Variants in FYB2 observed in about 807,000 individuals in gnomAD.
FYB2 encodes FYN-binding protein 2.
Under a neutral mutation model 94.1 loss-of-function variants are expected in FYB2, and 103 were observed. That is an observed-to-expected ratio of 1.09 (90% CI 0.93 to 1.29). The LOEUF (loss-of-function observed/expected upper bound fraction) is 1.29. Ranked by LOEUF, FYB2 falls within the 50% of genes most tolerant of loss-of-function variation. FYB2 has a pLI of 0.00. For missense variants in FYB2, 896 were observed against 841.5 expected (o/e 1.06, Z -0.80); for synonymous variants, 293 against 287.9 (o/e 1.02, Z -0.18).
chr1:56,797,543 A>G (rs1194894841), intron 1 of FYB2, among the ~76,000 whole-genome samples: 1 of 152,106 alleles, frequency 6.6e-6, no homozygotes, highest in Non-Finnish European at 1.5e-5. Flanking sequence ...AATTTTGCCC[A>G]ACAGAGGTGT....
At chr1:56,805,717 C>G (rs1311329460) in intron 1 of FYB2, among the ~76,000 whole-genome samples, 1 of 152,132 alleles carries the variant, frequency 6.6e-6, no homozygotes. Flanking sequence ...CAAATCTTTC[C>G]TGTGCTGCTC....
At chr1:56,802,217 C>A in intron 1 of FYB2, among the ~76,000 whole-genome samples, 1 of 152,180 alleles carries the variant, frequency 6.6e-6, no homozygotes, top group East Asian at 1.9e-4. Flanking sequence ...CATATTCTAT[C>A]TTATCATAAC....
intron 1 of FYB2, among the ~76,000 whole-genome samples, chr1:56,797,517 G>A (rs532468280): frequency 1.3e-5 from 2 of 152,178 alleles, no homozygotes; most frequent in East Asian, 1.9e-4. Context: ...CCACGCCCAG[G>A]CACTCTTTTA....
Position 56,738,474 on chromosome 1 carries a change from A to C in FYB2, c.1732+151T>G. On this transcript the variant is annotated intron_variant, in intron 14 of 19. Transcript: ENST00000343433. The stretch of plus-strand genomic sequence containing the variant: ...CTACTCATCTTCTCCAAAGTAAAAA[A>C]ATACTTCCGTGTGAAACATCTTCTT... 3 of 788,274 alleles carry C rather than the reference A, an allele frequency of 3.8e-6. No homozygotes were observed. The South Asian group carries it at 6.8e-5, about 18-fold the overall frequency. The allele number at this position is 788,274 out of a possible 1,614,324, so 48.8% of individuals were successfully genotyped here.
chr1:56,814,404 G>A (rs1339222279), intron 1 of FYB2, among the ~76,000 whole-genome samples: 1 of 152,184 alleles, frequency 6.6e-6, no homozygotes, highest in Non-Finnish European at 1.5e-5. Context: ...GTTTGGAGAA[G>A]GGAAGATTTG....
the FYB2 span, among the ~76,000 whole-genome samples, chr1:56,825,358 A>G: frequency 6.6e-6 from 1 of 152,172 alleles, no homozygotes; most frequent in Non-Finnish European, 1.5e-5. Context: ...AACAAGCAAC[A>G]GAACCTGGAA....
In FYB2 at chr1:56,738,627, A is replaced by G; in HGVS notation, c.1730T>C (p.Leu577Ser). Residue 577 changes from leucine to serine, a missense_variant and splice_region_variant, in exon 14 of 20, where the codon TTA (leucine) becomes TCA (serine). Transcript: ENST00000343433. ...TGCAATAAGCAAATGGCACTTACCT[A>G]AATCAGGCAGCAAAATGGAAAATGC... ...LSAFSILLPDLELKSQEVIIY... is the reference protein window; with the variant it reads ...LSAFSILLPDSELKSQEVIIY... The G allele has an allele frequency of 1.2e-6, 2 of 1,610,802 alleles. No homozygotes were observed. Among genetic ancestry groups the G allele is most frequent in the South Asian group, 2.2e-5 (2 of 90,450 alleles).
At position 56,719,536 on chromosome 1, in the gene FYB2, A is replaced by T; in HGVS notation, c.*135T>A. 1.4e-6 allele frequency: 1 copy of T among 722,504 alleles called. No individual in the cohort carries two copies. The highest frequency in any genetic ancestry group is 2.2e-6 in the Non-Finnish European group (1 of 453,104). The allele number at this position is 722,504 out of a possible 1,614,324, so 44.8% of individuals were successfully genotyped here. A position where few individuals can be genotyped will look rare whatever the true frequency, so the allele number is the denominator to read the frequency against. On this transcript the variant is annotated 3_prime_UTR_variant, in exon 20 of 20. Transcript: ENST00000343433. Reference sequence around the variant, plus strand: ...GATTTGTTTTTATTTTTCTCTTTTAAGTTCAGAACGAAAGTTTCCACAGAT... The same window carrying T: ...GATTTGTTTTTATTTTTCTCTTTTATGTTCAGAACGAAAGTTTCCACAGAT...
intron 4 of FYB2, among the ~76,000 whole-genome samples, chr1:56,769,595 G>A (rs922389389): frequency 1.1e-4 from 16 of 152,082 alleles, no homozygotes; most frequent in African/African-American, 3.6e-4. Flanking sequence ...TTATTCTCAA[G>A]TCTTTGCATT....
intron 3 of FYB2, 109 bp from the exon 4 acceptor site, chr1:56,787,317 C>A: frequency 1.5e-6 from 2 of 1,371,664 alleles, no homozygotes; most frequent in Non-Finnish European, 2.1e-6. Context: ...AGAGTGGAAG[C>A]TTGCCTGTGC....
chr1:56,780,627 G>T (rs1298385931), intron 4 of FYB2, among the ~76,000 whole-genome samples: 2 of 152,172 alleles, frequency 1.3e-5, no homozygotes, highest in African/African-American at 2.4e-5. Context: ...TTCATGGGTG[G>T]TTGTAGCTGG....
chr1:56,744,048 A>G lies in FYB2; in HGVS notation c.1521T>C (p.Ser507=). ...SRKEVPKLNY[S]SSLASSSEEN... ...TACCACTACTTGAGGCAAGTGAGCTAGAGTAGTTCAGCTTCGGTCTATGGG... is the reference window on the plus strand; with the variant it reads ...TACCACTACTTGAGGCAAGTGAGCTGGAGTAGTTCAGCTTCGGTCTATGGG... The change falls in exon 11 of 20, where the codon TCT becomes TCC. Residue 507 remains serine, a synonymous_variant. Transcript: ENST00000343433. The G allele has an allele frequency of 3.1e-6, 5 of 1,612,620 alleles. No individual in the cohort carries two copies. Among genetic ancestry groups the G allele is most frequent in the Non-Finnish European group, 4.2e-6 (5 of 1,179,204 alleles).
intron 3 of FYB2, among the ~76,000 whole-genome samples, chr1:56,788,104 T>G (rs1266134225): frequency 1.1e-4 from 16 of 152,144 alleles, no homozygotes; most frequent in Admixed American, 3.3e-4. Flanking sequence ...AACCAGAAAC[T>G]GAGAATGGAG....
Position 56,719,599 on chromosome 1 carries a change from G to T in FYB2, c.*72C>A. 1 of 1,337,436 alleles carries T rather than the reference G, an allele frequency of 7.5e-7. No homozygotes were observed. Among genetic ancestry groups the T allele is most frequent in the Non-Finnish European group, 1.0e-6 (1 of 970,796 alleles). 82.8% of individuals were successfully genotyped at this position (1,337,436 alleles called of 1,614,324 possible). On this transcript the variant is annotated 3_prime_UTR_variant, in exon 20 of 20. Transcript: ENST00000343433. ...AAATTTTGACATGTAAACTGAAACT[G>T]ATGTAACGCAGGACTAGGATCTTAG...
At chr1:56,748,446 G>A (rs568073710) in intron 9 of FYB2, among the ~76,000 whole-genome samples, 15 of 152,018 alleles carry the variant, frequency 9.9e-5, no homozygotes, top group Non-Finnish European at 5.9e-5. Context: ...AAGGGGTCCA[G>A]TTTCTGTTTT....
At chr1:56,823,833 A>C (rs182504110), upstream of FYB2, 4 of 152,304 alleles carry the variant, frequency 2.6e-5, no homozygotes, top group East Asian at 7.7e-4. Flanking sequence ...CACTCAGATG[A>C]ATTATTAAGA....
intron 15 of FYB2, among the ~76,000 whole-genome samples, chr1:56,728,236 C>T (rs985225093): frequency 3.3e-5 from 5 of 152,084 alleles, no homozygotes; most frequent in African/African-American, 1.2e-4. Context: ...CTTTTGCTCC[C>T]AGTCTTCACC....
intron 14 of FYB2, 126 bp downstream of exon 14, chr1:56,738,499 T>G: frequency 2.0e-6 from 2 of 985,090 alleles, no homozygotes; most frequent in Non-Finnish European, 3.0e-6. Context: ...AACATCTTCT[T>G]TGATTTTGGT....
intron 17 of FYB2, among the ~76,000 whole-genome samples, chr1:56,722,372 C>T (rs776869461): frequency 9.2e-5 from 14 of 152,040 alleles, no homozygotes; most frequent in Non-Finnish European, 2.1e-4. Flanking sequence ...TAACCATTGT[C>T]CTCTAGGAGC....
Sources: allele counts gnomAD v4.1 joint callset (sites outside exome capture counted in the v4.1 genomes callset), GRCh38; gene constraint gnomAD v4.1.1; transcripts MANE v1.5; gene names NCBI Gene and HGNC (gene_info 2026-07-23, HGNC 2026-07-21).